ESR1: variants seen among roughly 807,000 people sequenced by gnomAD.
The protein encoded by ESR1 is estrogen receptor.
Under a neutral mutation model 52.7 loss-of-function variants are expected in ESR1, and 12 were observed. The observed-to-expected ratio is 0.23, with a 90% confidence interval of 0.15 to 0.37. ESR1 has a LOEUF of 0.37. Ranked by LOEUF, ESR1 falls within the 10% of genes least tolerant of loss-of-function variation. ESR1 has a pLI of 1.00. For missense variants in ESR1, 584 were observed against 779.7 expected, an observed-to-expected ratio of 0.75 and a Z score of 2.99; for synonymous variants, 305 against 316.8, an observed-to-expected ratio of 0.96 and a Z score of 0.39.
intron 4 of ESR1, among the ~76,000 whole-genome samples, chr6:152,005,755 C>T (rs2042280802): frequency 6.6e-6 from 1 of 152,030 alleles, no homozygotes; most frequent in Non-Finnish European, 1.5e-5. Flanking sequence ...AATTGAAAGT[C>T]AGGTCTTCTT....
chr6:152,037,663 C>T (rs1464586926), intron 5 of ESR1, among the ~76,000 whole-genome samples: 1 of 152,114 alleles, frequency 6.6e-6, no homozygotes, highest in African/African-American at 2.4e-5. Flanking sequence ...TAATGTGTTA[C>T]CCTACACATT....
intron 2 of ESR1, among the ~76,000 whole-genome samples, chr6:151,788,154 A>G (rs1210168363): frequency 6.6e-6 from 1 of 152,238 alleles, no homozygotes. Context: ...AAATAAAACT[A>G]TCAACAGAGT....
intron 3 of ESR1, among the ~76,000 whole-genome samples, chr6:151,912,491 G>A (rs1255239272): frequency 1.3e-5 from 2 of 152,124 alleles, no homozygotes; most frequent in Admixed American, 6.5e-5. Flanking sequence ...TATGGAACAG[G>A]TGAACAGCTG....
intron 1 of ESR1, among the ~76,000 whole-genome samples, chr6:151,664,617 C>T (rs1297602919): frequency 1.3e-5 from 2 of 152,220 alleles, no homozygotes; most frequent in Admixed American, 6.5e-5. Flanking sequence ...TTGATACACA[C>T]AGCACCTGCC....
chr6:151,666,705 T>TCCG (rs1777838311), intron 1 of ESR1, among the ~76,000 whole-genome samples: 1 of 92,584 alleles, frequency 1.1e-5, no homozygotes, highest in Non-Finnish European at 2.0e-5. Flanking sequence ...CCCCTCCTCC[T>TCCG]CCTCCTCCTC....
chr6:151,880,530 G>T, intron 2 of ESR1, 125 bp from the exon 3 acceptor site: 2 of 762,238 alleles, frequency 2.6e-6, no homozygotes, highest in Non-Finnish European at 2.4e-6. Context: ...AGGCAGGCAG[G>T]CTGGGGAGCA....
At chr6:151,818,312 C>A (rs558345058) in intron 1 of ESR1, among the ~76,000 whole-genome samples, 1 of 152,300 alleles carries the variant, frequency 6.6e-6, no homozygotes, top group Admixed American at 6.5e-5. Context: ...GAACATGGGT[C>A]TCCTCTAGTG....
chr6:151,697,244 A>T (rs569074971), intron 1 of ESR1, among the ~76,000 whole-genome samples: 1 of 152,324 alleles, frequency 6.6e-6, no homozygotes, highest in Non-Finnish European at 1.5e-5. Context: ...ATTAAAAAAA[A>T]TCTTTTAGGA....
intron 4 of ESR1, among the ~76,000 whole-genome samples, chr6:152,006,285 T>A (rs1229769303): frequency 1.3e-5 from 2 of 152,026 alleles, no homozygotes; most frequent in Non-Finnish European, 2.9e-5. Context: ...TTTTCTTAAT[T>A]TTTTTAAGTG....
intron 2 of ESR1, among the ~76,000 whole-genome samples, chr6:151,786,512 G>A (rs577683431): frequency 6.6e-6 from 1 of 152,166 alleles, no homozygotes; most frequent in Non-Finnish European, 1.5e-5. Context: ...ATTTTCTCCC[G>A]ATTTCACGCT....
intron 3 of ESR1, among the ~76,000 whole-genome samples, chr6:151,886,337 T>C (rs1005731766): frequency 2.8e-4 from 42 of 152,300 alleles, no homozygotes; most frequent in Admixed American, 9.1e-4. Flanking sequence ...TAGAAATCAA[T>C]TGATGTGCAG....
chr6:151,744,723 A>C (rs1348563256), intron 2 of ESR1, among the ~76,000 whole-genome samples: 1 of 152,142 alleles, frequency 6.6e-6, no homozygotes, highest in Non-Finnish European at 1.5e-5. Context: ...GTGTTGAAAA[A>C]CAGTTTGTAT....
rs888590325 is a variant in ESR1 at position 152,094,928 on chromosome 6, T to C, written c.1553+360T>C. ...CTGAAGACACTGGGTACATCTGTTA[T>C]GGTCCCTGTGTACACTCGGATATTC... On this transcript the variant is annotated intron_variant, in intron 7 of 7. Coordinates refer to ENST00000206249, the MANE Select transcript of ESR1 (RefSeq NM_000125.4). The surrounding 1 kb of genome is among the most constrained non-coding windows in gnomAD (Gnocchi z 4.6). 2.0e-5 allele frequency among the ~76,000 whole-genome samples: 3 copies of C among 152,178 alleles called. No homozygotes were observed. Among genetic ancestry groups the C allele is most frequent in the Non-Finnish European group, 4.4e-5 (3 of 68,038 alleles).
chr6:151,688,054 C>T (rs1778758826), upstream of ESR1, among the ~76,000 whole-genome samples: 1 of 152,034 alleles, frequency 6.6e-6, no homozygotes, highest in Admixed American at 6.5e-5. Flanking sequence ...GTGATGAATG[C>T]AATTTAATTA....
intron 4 of ESR1, among the ~76,000 whole-genome samples, chr6:151,964,267 GA>G (rs566033511): frequency 9.1e-4 from 139 of 152,194 alleles, no homozygotes; most frequent in African/African-American, 3.1e-3. Context: ...GGATAGCATA[GA>G]TTTTTTTTAA....
intron 2 of ESR1, among the ~76,000 whole-genome samples, chr6:151,866,702 C>G (rs1232755882): frequency 6.6e-6 from 1 of 152,072 alleles, no homozygotes; most frequent in East Asian, 1.9e-4. Flanking sequence ...GTATATGTGC[C>G]ACATTTTCTT....
chr6:151,753,302 A>G (rs1412747768), intron 2 of ESR1, among the ~76,000 whole-genome samples: 1 of 150,576 alleles, frequency 6.6e-6, no homozygotes, highest in African/African-American at 2.4e-5. Flanking sequence ...TATTCTCAAA[A>G]TGGGTTATTT....
chr6:151,680,386 T>G (rs976875947), intron 1 of ESR1, among the ~76,000 whole-genome samples: 5 of 152,036 alleles, frequency 3.3e-5, no homozygotes, highest in African/African-American at 1.2e-4. Flanking sequence ...ATATTTTTAG[T>G]AGAGACGGGG....
chr6:151,944,197 G>A lies in ESR1; in HGVS notation c.785G>A (p.Gly262Glu), dbSNP rs2128526130. Residue 262 changes from glycine (G) to glutamate (E), a missense_variant, in exon 4 of 8, where the codon GGG (glycine) becomes GAG (glutamate). Gly to Glu is a moderately conservative substitution (Grantham distance 98). This residue lies in a region of ESR1 where 88 missense variants were observed against 88.3 expected (regional missense o/e 1.00). Transcript: ENST00000206249. ...KGGIRKDRRG[G>E]RMLKHKRQRD... is the part of the protein sequence containing the mutation. The stretch of plus-strand genomic sequence containing the variant: ...GGGATACGAAAAGACCGAAGAGGAG[G>A]GAGAATGTTGAAACACAAGCGCCAG... 6.2e-7 allele frequency: 1 copy of A among 1,614,108 alleles called. No homozygotes were observed. The highest frequency in any genetic ancestry group is 1.7e-5 in the Admixed American group (1 of 60,018).
Sources: allele counts gnomAD v4.1 joint callset (sites outside exome capture counted in the v4.1 genomes callset), GRCh38; gene constraint gnomAD v4.1.1; regional missense constraint gnomAD v4.1.1; non-coding constraint Gnocchi (gnomAD v3.1); transcripts MANE v1.5; gene names NCBI Gene and HGNC (gene_info 2026-07-23, HGNC 2026-07-21).